PCDHGA2: variants seen among roughly 807,000 people sequenced by gnomAD.
PCDHGA2 encodes the protein protocadherin gamma-A2.
In PCDHGA2, 40 loss-of-function variants were observed where a neutral mutation model predicts 59.2. The ratio of observed to expected loss-of-function variants is 0.68; its 90% CI spans 0.52 to 0.88. The LOEUF is 0.88. Among genes scored for constraint, PCDHGA2 ranks in the 40% least tolerant of loss-of-function variants. The pLI is 0.00. For synonymous variants in PCDHGA2, 560 were observed against 526.0 expected, an observed-to-expected ratio of 1.06 and a Z score of -0.89; for missense variants, 1,226 against 1,204.0, an observed-to-expected ratio of 1.02 and a Z score of -0.27.
chr5:141,355,162 G>A (rs1759735186), intron 1 of PCDHGA2: 1 of 1,562,626 alleles, frequency 6.4e-7, no homozygotes, highest in African/African-American at 1.4e-5. Flanking sequence ...CTCGACAGAG[G>A]GAAAACCGAA....
chr5:141,417,659 A>G, intron 1 of PCDHGA2: 1 of 869,514 alleles, frequency 1.2e-6, no homozygotes, highest in Non-Finnish European at 1.7e-6. Context: ...CTAGCCTGGG[A>G]TTCCCTGCGC....
chr5:141,386,155 C>G (rs763846568), intron 1 of PCDHGA2, among the ~76,000 whole-genome samples: 1 of 152,160 alleles, frequency 6.6e-6, no homozygotes, highest in Non-Finnish European at 1.5e-5. Flanking sequence ...AACTGTCTCA[C>G]GTACTCAAAC....
rs189767695 is a variant in PCDHGA2, at chr5:141,497,247, T to C, written c.2483+2382T>C. Among the ~76,000 whole-genome samples the C allele has an allele frequency of 2.0e-5, 3 of 151,456 alleles. No individual in the cohort carries two copies. The East Asian group carries it at 5.8e-4, about 29-fold the overall frequency. ...ATCAGAGAAGGCTTCTAGGAGGAGGTGACATTGAGAAGTTCTAGGCCATTT... is the reference window on the plus strand; with the variant it reads ...ATCAGAGAAGGCTTCTAGGAGGAGGCGACATTGAGAAGTTCTAGGCCATTT... On this transcript the variant is annotated intron_variant, in intron 2 of 3. Transcript: ENST00000394576.
chr5:141,356,300 C>A (rs1390154856), intron 1 of PCDHGA2: 1 of 1,554,478 alleles, frequency 6.4e-7, no homozygotes, highest in Admixed American at 2.0e-5. Context: ...ACAGTAATTG[C>A]ACTTTTCAAC....
At position 141,417,888 on chromosome 5, in the gene PCDHGA2, G is replaced by C. The variant is rs1406210540; in HGVS notation, c.2424+76493G>C. ...GGAGGGAGCTGCGCGCAGAGGCGCC[G>C]GGCCGGCCCGCGGCAGGTACTATTT... is the stretch of plus-strand genomic sequence containing the variant. On this transcript the variant is annotated intron_variant, in intron 1 of 3. Transcript: ENST00000394576. 1.3e-6 allele frequency: 2 copies of C among 1,566,652 alleles called. No homozygotes were observed. The highest frequency in any genetic ancestry group is 1.7e-4 in the Middle Eastern group (1 of 6,016).
chr5:141,415,765 T>G (rs1386091482), intron 1 of PCDHGA2: 1 of 1,364,078 alleles, frequency 7.3e-7, no homozygotes, highest in South Asian at 1.7e-5. Flanking sequence ...TTTTTTTTTT[T>G]TTTTTTTACT....
At chr5:141,387,473 G>C (rs1032850562) in intron 1 of PCDHGA2, among the ~76,000 whole-genome samples, 2 of 152,190 alleles carry the variant, frequency 1.3e-5, no homozygotes. Context: ...CCTCAAAGTT[G>C]GGATGAAGGC....
At chr5:141,361,701 T>C (rs376967719) in intron 1 of PCDHGA2, 149 of 1,613,218 alleles carry the variant, frequency 9.2e-5, no homozygotes, top group Non-Finnish European at 1.1e-4. Flanking sequence ...CCTTCGATCA[T>C]GAGCAGCTGC....
chr5:141,355,445 G>A (rs1309523681), intron 1 of PCDHGA2: 4 of 1,613,988 alleles, frequency 2.5e-6, no homozygotes, highest in Non-Finnish European at 3.4e-6. Context: ...CCGCGCAGCG[G>A]CACCTTGGTC....
intron 1 of PCDHGA2, chr5:141,394,839 G>A (rs1190397731): frequency 6.2e-7 from 1 of 1,613,834 alleles, no homozygotes; most frequent in Non-Finnish European, 8.5e-7. Context: ...GACCGAGTTG[G>A]GCAGTCTGAA....
In PCDHGA2 at chr5:141,385,469, C is replaced by T. The variant is rs536184133; in HGVS notation, c.2424+44074C>T. 3.5e-5 allele frequency: 50 copies of T among 1,439,702 alleles called. No homozygotes were observed. In the South Asian group the frequency reaches 7.4e-4, roughly 21 times the overall value. The allele number at this position is 1,439,702 out of a possible 1,614,324, so 89.2% of individuals were successfully genotyped here. ...GTTTACCAGTTTCCTTCAGTGGTGA[C>T]ACTTTAATATAGAACACATAGGATA... On this transcript the variant is annotated intron_variant, in intron 1 of 3. Transcript: ENST00000394576.
intron 1 of PCDHGA2, chr5:141,419,335 T>C: frequency 6.2e-7 from 1 of 1,613,886 alleles, no homozygotes; most frequent in Non-Finnish European, 8.5e-7. Context: ...ACTCTCTCAT[T>C]GCCAGCGACC....
At chr5:141,344,151 G>A (rs76939403) in intron 1 of PCDHGA2, 1 of 1,614,062 alleles carries the variant, frequency 6.2e-7, no homozygotes, top group Non-Finnish European at 8.5e-7. Context: ...TGAGGAGCTA[G>A]ATAAAGGTTC....
At chr5:141,360,394 A>G in intron 1 of PCDHGA2, 8 of 1,613,932 alleles carry the variant, frequency 5.0e-6, no homozygotes, top group Non-Finnish European at 6.8e-6. Context: ...CTTACTTGTG[A>G]GTGACAGAAT....
At chr5:141,448,667 G>A (rs1262994760) in intron 1 of PCDHGA2, among the ~76,000 whole-genome samples, 6 of 151,990 alleles carry the variant, frequency 3.9e-5, no homozygotes, top group African/African-American at 9.7e-5. Flanking sequence ...TTGGCCGGGC[G>A]CGGTGGCTCA....
At chr5:141,372,484 C>T (rs1161994695) in intron 1 of PCDHGA2, 1 of 1,614,060 alleles carries the variant, frequency 6.2e-7, no homozygotes, top group Non-Finnish European at 8.5e-7. Context: ...GTGGCGTTGG[C>T]CTTGATCTCA....
At chr5:141,403,225 C>T (rs2154532251) in intron 1 of PCDHGA2, 2 of 1,613,958 alleles carry the variant, frequency 1.2e-6, no homozygotes, top group Non-Finnish European at 1.7e-6. Flanking sequence ...GTAGGATAGA[C>T]CGGGAGGAGC....
At chr5:141,418,829 C>T in intron 1 of PCDHGA2, 1 of 1,613,856 alleles carries the variant, frequency 6.2e-7, no homozygotes, top group Non-Finnish European at 8.5e-7. Flanking sequence ...AGCAAAAGAC[C>T]GAGGATCTCT....
At chr5:141,377,878 G>A (rs568106041) in intron 1 of PCDHGA2, 1 of 152,254 alleles carries the variant, frequency 6.6e-6, no homozygotes, top group East Asian at 1.9e-4. Flanking sequence ...TCTCTTATCA[G>A]AGATAGGATC....
Sources: allele counts gnomAD v4.1 joint callset (sites outside exome capture counted in the v4.1 genomes callset), GRCh38; gene constraint gnomAD v4.1.1; transcripts MANE v1.5; gene names NCBI Gene and HGNC (gene_info 2026-07-23, HGNC 2026-07-21).